YEATS2: variants seen among roughly 807,000 people sequenced by gnomAD.
The protein encoded by YEATS2 is YEATS domain containing 2.
A neutral mutation model predicts 163.2 loss-of-function variants in YEATS2; 77 were observed. That is an observed-to-expected ratio of 0.47 (90% CI 0.39 to 0.57). The LOEUF is 0.57. YEATS2 is among the 20% of genes least tolerant of loss of function. YEATS2 has a pLI of 0.00. For missense variants in YEATS2, 1,549 were observed against 1,729.8 expected, an observed-to-expected ratio of 0.90 and a Z score of 1.85; for synonymous variants, 631 against 645.1, an observed-to-expected ratio of 0.98 and a Z score of 0.33.
chr3:183,770,387 A>G (rs889031399), intron 15 of YEATS2, among the ~76,000 whole-genome samples: 1 of 152,192 alleles, frequency 6.6e-6, no homozygotes, highest in Non-Finnish European at 1.5e-5. Flanking sequence ...AAAAAAAACA[A>G]AAAACAAAAA....
chr3:183,778,647 C>G (rs544078980), intron 19 of YEATS2, among the ~76,000 whole-genome samples: 12 of 152,094 alleles, frequency 7.9e-5, no homozygotes, highest in Admixed American at 5.2e-4. Flanking sequence ...TGATCCGCTC[C>G]TGGCCTTGTT....
Position 183,724,520 on chromosome 3 carries a change from C to T in YEATS2, c.639C>T (p.Gly213=), listed in dbSNP as rs1403518839. The T allele has an allele frequency of 6.2e-7, 1 of 1,606,310 alleles. No individual in the cohort carries two copies. The highest frequency in any genetic ancestry group is 1.1e-5 in the South Asian group (1 of 90,448). Residue 213 remains glycine, a synonymous_variant, in exon 6 of 31, where the codon GGC becomes GGT. Coordinates refer to ENST00000305135, the MANE Select transcript of YEATS2 (RefSeq NM_018023.5). The stretch of plus-strand genomic sequence containing the variant: ...TTGTAAAGAAAACAATAGTAGTGGG[C>T]AATGTGTCCAAGTGAGTATCCAGTT... ...RLFVKKTIVV[G]NVSKYIPPDK...
intron 20 of YEATS2, among the ~76,000 whole-genome samples, chr3:183,787,502 A>G (rs1320899928): frequency 6.6e-6 from 1 of 151,862 alleles, no homozygotes; most frequent in Non-Finnish European, 1.5e-5. Context: ...GGCTATTTGT[A>G]TATCTTTTAT....
chr3:183,806,772 T>TA (rs1726248947), intron 27 of YEATS2, 94 bp from the exon 28 acceptor site: 1 of 1,306,474 alleles, frequency 7.7e-7, no homozygotes, highest in African/African-American at 1.5e-5. Context: ...CCCTGATGCT[T>TA]ATCCCCCTTC....
At chr3:183,719,448 C>T (rs1245233523) in intron 4 of YEATS2, among the ~76,000 whole-genome samples, 2 of 152,120 alleles carry the variant, frequency 1.3e-5, no homozygotes, top group African/African-American at 2.4e-5. Flanking sequence ...TTCATTTTTA[C>T]GTAATTCTTT....
chr3:183,800,600 C>G, intron 24 of YEATS2, 32 bp downstream of exon 24: 2 of 1,580,936 alleles, frequency 1.3e-6, no homozygotes, highest in Non-Finnish European at 1.7e-6. Flanking sequence ...AAAGGAATTC[C>G]GCTTCGGGTG....
At position 183,806,887 on chromosome 3, in the gene YEATS2, C is replaced by G. The variant is rs1726266087; in HGVS notation, c.3806C>G (p.Ser1269Cys). 6.2e-7 allele frequency: 1 copy of G among 1,613,856 alleles called. No homozygotes were observed. The highest frequency in any genetic ancestry group is 1.3e-5 in the African/African-American group (1 of 74,896). Reference sequence around the variant, plus strand: ...TTAGAGTGCCCATCATCATTCTCCTCTGCTGACAACCTCTGCCGCAAACTG... The same window carrying G: ...TTAGAGTGCCCATCATCATTCTCCTGTGCTGACAACCTCTGCCGCAAACTG... ...SEPECPSSFS[S>C]ADNLCRKLED... Residue 1269 changes from serine (S) to cysteine (C), a missense_variant, in exon 28 of 31, where the codon TCT becomes TGT. Coordinates refer to ENST00000305135, the MANE Select transcript of YEATS2 (RefSeq NM_018023.5).
chr3:183,773,784 G>A lies in YEATS2; in HGVS notation c.2358G>A (p.Thr786=), dbSNP rs775175529. The change falls in exon 17 of 31, where the codon ACG becomes ACA. Residue 786 remains threonine, a synonymous_variant. Coordinates refer to ENST00000305135, the MANE Select transcript of YEATS2 (RefSeq NM_018023.5). ...LIPQGAILRA[T]NNANLQSGSA... ...CTCAAGGAGCCATCCTGCGAGCTAC[G>A]AACAATGCTAGTTAGTGAAACCATT... is the stretch of plus-strand genomic sequence containing the variant. 5.3e-5 allele frequency: 85 copies of A among 1,606,124 alleles called. No homozygotes were observed. Among genetic ancestry groups the A allele is most frequent in the Admixed American group, 8.7e-5 (5 of 57,768 alleles).
intron 1 of YEATS2, among the ~76,000 whole-genome samples, chr3:183,706,747 C>T (rs923562940): frequency 1.3e-5 from 2 of 152,048 alleles, no homozygotes; most frequent in African/African-American, 4.8e-5. Context: ...ACCCGGGAGG[C>T]GGAGGTTGCC....
chr3:183,715,311 G>A lies in YEATS2; in HGVS notation c.100+49G>A, dbSNP rs373779015. 81 of 1,351,892 alleles carry A rather than the reference G, an allele frequency of 6.0e-5. 1 individual carries two copies. Among genetic ancestry groups the A allele is most frequent in the South Asian group, 3.6e-4 (30 of 83,780 alleles). The allele number at this position is 1,351,892 out of a possible 1,614,324, so 83.7% of individuals were successfully genotyped here. A position where few individuals can be genotyped will look rare whatever the true frequency, so the allele number is the denominator to read the frequency against. ...TATTTCTTTATTGACATATGCCTCC[G>A]CTAGAAAACTTACAGGAACTAGAAT... On this transcript the variant is annotated intron_variant, in intron 2 of 30. Coordinates refer to ENST00000305135, the MANE Select transcript of YEATS2 (RefSeq NM_018023.5).
rs763071937 is a variant in YEATS2, at chr3:183,762,262, A to G, written c.1930A>G (p.Lys644Glu). The change falls in exon 15 of 31, where the codon AAG (lysine) becomes GAG (glutamate). Residue 644 changes from lysine to glutamate, a missense_variant. Coordinates refer to ENST00000305135, the MANE Select transcript of YEATS2 (RefSeq NM_018023.5). ...TGGAGAAGGGATTGCCCAGTCAGCA[A>G]AGGTTCAGCCCTCCAAGGTTTGTGT... ...TPGEGIAQSA[K>E]VQPSKVVGVP... The G allele has an allele frequency of 7.5e-6, 12 of 1,603,902 alleles. No homozygotes were observed. The Middle Eastern group carries it at 8.4e-4, about 112-fold the overall frequency.
chr3:183,756,451 C>G (rs1374497387), intron 11 of YEATS2, 77 bp from the exon 12 acceptor site: 9 of 1,390,640 alleles, frequency 6.5e-6, no homozygotes, highest in Non-Finnish European at 8.6e-6. Context: ...CACTGACCTT[C>G]TTCCTTGTCC....
In YEATS2 at chr3:183,715,504, G is replaced by A. The variant is rs375454915; in HGVS notation, c.100+242G>A. On this transcript the variant is annotated intron_variant, in intron 2 of 30. Coordinates refer to ENST00000305135, the MANE Select transcript of YEATS2 (RefSeq NM_018023.5). Reference sequence around the variant, plus strand: ...AGCGAGACAAACTGTGAGTTTTAGCGATCACTGTATGTTAGGTGTAATCAT... The same window carrying A: ...AGCGAGACAAACTGTGAGTTTTAGCAATCACTGTATGTTAGGTGTAATCAT... Among the ~76,000 whole-genome samples, 19 of 152,046 alleles carry A rather than the reference G, an allele frequency of 1.2e-4. 1 individual carries two copies. Among genetic ancestry groups the A allele is most frequent in the East Asian group, 5.8e-4 (3 of 5,190 alleles).
chr3:183,785,488 C>CAAAA (rs146941322), intron 19 of YEATS2, among the ~76,000 whole-genome samples: 3 of 52,230 alleles, frequency 5.7e-5, no homozygotes, highest in Non-Finnish European at 7.8e-5. Flanking sequence ...GACTCTGTCT[C>CAAAA]AAAAAAAAAA....
chr3:183,804,127 G>A lies in YEATS2; in HGVS notation c.3723G>A (p.Glu1241=), dbSNP rs1439228217. 6.2e-7 allele frequency: 1 copy of A among 1,614,144 alleles called. No individual in the cohort carries two copies. The highest frequency in any genetic ancestry group is 8.5e-7 in the Non-Finnish European group (1 of 1,180,030). The change falls in exon 27 of 31, where the codon GAG becomes GAA. Residue 1241 remains glutamate, a synonymous_variant. Coordinates refer to ENST00000305135, the MANE Select transcript of YEATS2 (RefSeq NM_018023.5). ...ATGGCTACACCCCACCGGACCCTGA[G>A]AGCCTGAGGAATGACGGGGACTCCA... The part of the protein sequence containing the change: ...RCHGYTPPDP[E]SLRNDGDSIE...
chr3:183,703,059 G>A (rs1714270705), intron 1 of YEATS2, among the ~76,000 whole-genome samples: 1 of 152,068 alleles, frequency 6.6e-6, no homozygotes, highest in African/African-American at 2.4e-5. Flanking sequence ...AGGAAAGTTG[G>A]TGTTTTTGAC....
At chr3:183,719,407 G>A (rs1444202303) in intron 4 of YEATS2, among the ~76,000 whole-genome samples, 5 of 152,250 alleles carry the variant, frequency 3.3e-5, no homozygotes, top group Admixed American at 3.3e-4. Flanking sequence ...AAAGTGCTGG[G>A]ATTACAGGCG....
intron 1 of YEATS2, among the ~76,000 whole-genome samples, chr3:183,699,627 A>G (rs1217902923): frequency 6.6e-6 from 1 of 152,012 alleles, no homozygotes; most frequent in Non-Finnish European, 1.5e-5. Flanking sequence ...ACTGAGGGGA[A>G]AGAGTGTGGA....
chr3:183,785,897 T>C (rs1724018554), intron 19 of YEATS2, among the ~76,000 whole-genome samples: 1 of 152,156 alleles, frequency 6.6e-6, no homozygotes, highest in African/African-American at 2.4e-5. Flanking sequence ...AACTTGCAAA[T>C]GCATTTATTT....
Sources: allele counts gnomAD v4.1 joint callset (sites outside exome capture counted in the v4.1 genomes callset), GRCh38; gene constraint gnomAD v4.1.1; transcripts MANE v1.5; gene names NCBI Gene and HGNC (gene_info 2026-07-23, HGNC 2026-07-21).